The following SPTY2D1 variants were observed in gnomAD, a reference collection of about 807,000 sequenced individuals.
SPTY2D1 encodes the protein protein SPT2 homolog.
Under a neutral mutation model 64.0 loss-of-function variants are expected in SPTY2D1, and 21 were observed. The ratio of observed to expected loss-of-function variants is 0.33; its 90% CI spans 0.23 to 0.47. The LOEUF is 0.47. SPTY2D1 is among the 20% of genes least tolerant of loss of function. The probability of loss-of-function intolerance (pLI) is 1.00; values close to 1 mark genes in which losing one functional copy is unlikely to be tolerated. For missense variants in SPTY2D1, 724 were observed against 837.2 expected, an observed-to-expected ratio of 0.86 and a Z score of 1.67; for synonymous variants, 287 against 286.8, an observed-to-expected ratio of 1.00 and a Z score of -0.01.
At chr11:18,628,837 A>G (rs1398992228) in intron 1 of SPTY2D1, among the ~76,000 whole-genome samples, 1 of 152,222 alleles carries the variant, frequency 6.6e-6, no homozygotes, top group Admixed American at 6.5e-5. Flanking sequence ...TGTTCTTTAA[A>G]AGAAAATGTA....
At chr11:18,621,365 G>GAAAAGAAAAGAAAAGAAAAT in intron 1 of SPTY2D1, among the ~76,000 whole-genome samples, 1 of 142,146 alleles carries the variant, frequency 7.0e-6, no homozygotes, top group Admixed American at 7.1e-5. Context: ...GAAAAGAAAA[G>GAAAAGAAAAGAAAAGAAAAT]AAAAGAAAAG....
At position 18,612,106 on chromosome 11, in the gene SPTY2D1, C is replaced by G. The variant is rs1359351093; in HGVS notation, c.1886+208G>C. 7 of 395,582 alleles carry G rather than the reference C, an allele frequency of 1.8e-5. No individual in the cohort carries two copies. Among genetic ancestry groups the G allele is most frequent in the African/African-American group, 1.5e-4 (7 of 48,270 alleles). The allele number at this position is 395,582 out of a possible 1,614,324, so 24.5% of individuals were successfully genotyped here. ...CAATTTAAAAGGGTTATTTTTTGTTCCTCATGCAAATAACTACAGAAACTA... is the reference window on the plus strand; with the variant it reads ...CAATTTAAAAGGGTTATTTTTTGTTGCTCATGCAAATAACTACAGAAACTA... On this transcript the variant is annotated intron_variant, in intron 4 of 5. Coordinates refer to ENST00000336349, the MANE Select transcript of SPTY2D1 (RefSeq NM_194285.3). The surrounding 1 kb of genome is among the most constrained non-coding windows in gnomAD (Gnocchi z 4.6).
intron 5 of SPTY2D1, 100 bp downstream of exon 5, chr11:18,611,377 T>C (rs1854203665): frequency 1.9e-6 from 2 of 1,070,086 alleles, no homozygotes; most frequent in African/African-American, 3.1e-5. Context: ...TCCAGAATTC[T>C]CTGGCCCAAA....
Position 18,612,319 on chromosome 11 carries a change from TCGGTCATAAC to T in SPTY2D1, c.1871_1880del (p.Gly624GlufsTer30). 1 of 1,587,224 alleles carries T rather than the reference TCGGTCATAAC, an allele frequency of 6.3e-7. No individual in the cohort carries two copies. On this transcript the variant is annotated frameshift_variant, in exon 4 of 6. Coordinates refer to ENST00000336349, the MANE Select transcript of SPTY2D1 (RefSeq NM_194285.3). LOFTEE classifies it high-confidence loss of function. The surrounding 1 kb of genome is among the most constrained non-coding windows in gnomAD (Gnocchi z 4.6). Reference sequence around the variant, plus strand: ...TGAATCTTCTTTAGTCTTACTTTTTTCGGTCATAACCAAAGATTTCTCTAATGTGCTTGGA... The same window carrying T: ...TGAATCTTCTTTAGTCTTACTTTTTTCAAAGATTTCTCTAATGTGCTTGGA...
At chr11:18,610,792 C>T (rs1854193802) in intron 5 of SPTY2D1, among the ~76,000 whole-genome samples, 1 of 151,756 alleles carries the variant, frequency 6.6e-6, no homozygotes, top group East Asian at 1.9e-4. Flanking sequence ...TGTAATATAC[C>T]TACATCCCTG....
At chr11:18,610,011 T>A in intron 5 of SPTY2D1, 57 bp from the exon 6 acceptor site, 1 of 1,492,476 alleles carries the variant, frequency 6.7e-7, no homozygotes. Context: ...CCACTTTCCT[T>A]AAAAAGAATG....
At position 18,614,557 on chromosome 11, in the gene SPTY2D1, T is replaced by A. The variant is rs369993906; in HGVS notation, c.1711+6A>T. 6.3e-7 allele frequency: 1 copy of A among 1,592,542 alleles called. No individual in the cohort carries two copies. The highest frequency in any genetic ancestry group is 8.6e-7 in the Non-Finnish European group (1 of 1,167,976). On this transcript the variant is annotated splice_donor_region_variant and intron_variant, in intron 3 of 5. Coordinates refer to ENST00000336349, the MANE Select transcript of SPTY2D1 (RefSeq NM_194285.3). Reference sequence around the variant, plus strand: ...ATATACTCTTTCGGGTGAGGGGAAATTTTACCTTGGGCAGCTCTGTAGCCA... The same window carrying A: ...ATATACTCTTTCGGGTGAGGGGAAAATTTACCTTGGGCAGCTCTGTAGCCA...
chr11:18,621,674 A>T (rs556223482), intron 1 of SPTY2D1, among the ~76,000 whole-genome samples: 1 of 152,310 alleles, frequency 6.6e-6, no homozygotes, highest in Admixed American at 6.5e-5. Context: ...TATTTTGTTG[A>T]TCTTCAACAA....
intron 1 of SPTY2D1, among the ~76,000 whole-genome samples, chr11:18,621,179 C>T (rs1854390076): frequency 6.6e-6 from 1 of 151,794 alleles, no homozygotes; most frequent in South Asian, 2.1e-4. Context: ...CACCTGTAAT[C>T]CCAGCTACTC....
In SPTY2D1 at chr11:18,614,695, A is replaced by C; in HGVS notation, c.1579T>G (p.Ser527Ala). The change falls in exon 3 of 6, where the codon TCA (serine) becomes GCA (alanine). Residue 527 changes from serine (S) to alanine (A), a missense_variant. Physicochemically the swap from Ser to Ala is moderately conservative, Grantham distance 99. Transcript: ENST00000336349. Reference protein sequence around the residue: ...SLGPGQTVSSSGPTIKPKCTV... With the variant: ...SLGPGQTVSSAGPTIKPKCTV... The stretch of plus-strand genomic sequence containing the variant: ...CACTTAGGCTTTATAGTGGGACCTG[A>C]GCTACTAACTGTTTGCCCAGGTCCC... 1.2e-6 allele frequency: 2 copies of C among 1,614,246 alleles called. No homozygotes were observed. Among genetic ancestry groups the C allele is most frequent in the Non-Finnish European group, 1.7e-6 (2 of 1,180,036 alleles).
chr11:18,627,035 G>A (rs1854509553), intron 1 of SPTY2D1, among the ~76,000 whole-genome samples: 1 of 152,098 alleles, frequency 6.6e-6, no homozygotes, highest in Non-Finnish European at 1.5e-5. Context: ...CAGAGTCTTG[G>A]AGCATGACCT....
In SPTY2D1 at chr11:18,610,047, G is replaced by A. The variant is rs1032337188; in HGVS notation, c.1965-93C>T. On this transcript the variant is annotated intron_variant, in intron 5 of 5. Transcript: ENST00000336349. Reference sequence around the variant, plus strand: ...AAAATTCCAACTGGGAGCTCACATGGATTGTGCTGATGCTCTCAAAATGCC... The same window carrying A: ...AAAATTCCAACTGGGAGCTCACATGAATTGTGCTGATGCTCTCAAAATGCC... 3.6e-6 allele frequency: 4 copies of A among 1,102,168 alleles called. No individual in the cohort carries two copies. The African/African-American group carries it at 6.2e-5, about 17-fold the overall frequency. The allele number at this position is 1,102,168 out of a possible 1,614,324, so 68.3% of individuals were successfully genotyped here. A position where few individuals can be genotyped will look rare whatever the true frequency, so the allele number is the denominator to read the frequency against.
At chr11:18,627,947 C>A (rs916576644) in intron 1 of SPTY2D1, among the ~76,000 whole-genome samples, 1 of 152,084 alleles carries the variant, frequency 6.6e-6, no homozygotes, top group African/African-American at 2.4e-5. Flanking sequence ...ACTCGGGAGT[C>A]TGAGGCAGGA....
At chr11:18,610,205 G>T in intron 5 of SPTY2D1, 1 of 377,724 alleles carries the variant, frequency 2.6e-6, no homozygotes, top group East Asian at 4.4e-5. Flanking sequence ...ATAAAATATA[G>T]GTTTATCTCA....
chr11:18,607,509 G>A lies in SPTY2D1; in HGVS notation c.*2352C>T, dbSNP rs367675852. 1 of 152,480 alleles carries A rather than the reference G, an allele frequency of 6.6e-6. No homozygotes were observed. Among genetic ancestry groups the A allele is most frequent in the Non-Finnish European group, 1.5e-5 (1 of 68,026 alleles). 9.4% of individuals were successfully genotyped at this position (152,480 alleles called of 1,614,324 possible). A position where few individuals can be genotyped will look rare whatever the true frequency, so the allele number is the denominator to read the frequency against. Reference sequence around the variant, plus strand: ...CCCAAAAGGCACATCTTCAAATGTTGAATTAAGAAAATCCAAAAATCAAAA... The same window carrying A: ...CCCAAAAGGCACATCTTCAAATGTTAAATTAAGAAAATCCAAAAATCAAAA... On this transcript the variant is annotated 3_prime_UTR_variant, in exon 6 of 6. Transcript: ENST00000336349.
chr11:18,616,173 C>T (rs530279099), intron 2 of SPTY2D1, 75 bp from the exon 3 acceptor site: 15 of 1,339,964 alleles, frequency 1.1e-5, no homozygotes, highest in East Asian at 7.0e-5. Flanking sequence ...GAAAACACAA[C>T]GTTCAGGTTA....
intron 1 of SPTY2D1, among the ~76,000 whole-genome samples, chr11:18,618,999 G>A (rs1374036974): frequency 6.6e-6 from 1 of 152,120 alleles, no homozygotes; most frequent in African/African-American, 2.4e-5. Flanking sequence ...CCATATCTTT[G>A]TAAATTTAAT....
intron 1 of SPTY2D1, among the ~76,000 whole-genome samples, chr11:18,630,467 C>T (rs756393957): frequency 1.5e-4 from 23 of 152,060 alleles, no homozygotes; most frequent in Non-Finnish European, 2.5e-4. Flanking sequence ...GAACGAGACT[C>T]GTCTCAAAAT....
chr11:18,628,269 T>G (rs148225777), intron 1 of SPTY2D1, among the ~76,000 whole-genome samples: 115 of 152,368 alleles, frequency 7.5e-4, no homozygotes, highest in African/African-American at 2.5e-3. Context: ...GTACTCCATT[T>G]GGCTATTATG....
Sources: gnomAD v4.1 joint callset for allele counts (sites outside exome capture counted in the v4.1 genomes callset) on GRCh38, gnomAD v4.1.1 for gene constraint, Gnocchi (gnomAD v3.1) non-coding constraint, MANE v1.5 for transcripts, NCBI Gene and HGNC (gene_info 2026-07-23, HGNC 2026-07-21) for gene names.